DDX60L: variants seen among roughly 807,000 people sequenced by gnomAD.
DDX60L encodes the protein DExD/H-box 60 like.
A neutral mutation model predicts 211.6 loss-of-function variants in DDX60L; 191 were observed. The ratio of observed to expected loss-of-function variants is 0.90; its 90% CI spans 0.80 to 1.02. The LOEUF is 1.02. Ranked by LOEUF, DDX60L falls within the 50% of genes least tolerant of loss-of-function variation. The pLI is 0.00. For missense variants in DDX60L, 2,007 were observed against 1,984.1 expected, an observed-to-expected ratio of 1.01 and a Z score of -0.22; for synonymous variants, 706 against 694.1, an observed-to-expected ratio of 1.02 and a Z score of -0.27.
intron 10 of DDX60L, among the ~76,000 whole-genome samples, chr4:168,434,763 G>A (rs1752814339): frequency 6.6e-6 from 1 of 152,174 alleles, no homozygotes; most frequent in Non-Finnish European, 1.5e-5. Context: ...AAATTGATCT[G>A]TACAAAAGGA....
chr4:168,382,246 A>G (rs1275968391), intron 30 of DDX60L, among the ~76,000 whole-genome samples: 3 of 152,256 alleles, frequency 2.0e-5, no homozygotes, highest in Non-Finnish European at 4.4e-5. Flanking sequence ...AAATTCTGAC[A>G]TCTAGTTCAA....
chr4:168,377,546 T>C (rs1339368988), intron 33 of DDX60L, among the ~76,000 whole-genome samples: 2 of 152,126 alleles, frequency 1.3e-5, no homozygotes, highest in Non-Finnish European at 2.9e-5. Context: ...CTATTTACAG[T>C]AGTAGTAAAT....
At chr4:168,478,394 G>A (rs1280929131) in intron 1 of DDX60L, among the ~76,000 whole-genome samples, 1 of 152,124 alleles carries the variant, frequency 6.6e-6, no homozygotes, top group Non-Finnish European at 1.5e-5. Context: ...TGTAATTAAC[G>A]GCATAGGGAA....
chr4:168,429,165 G>C (rs76865242), intron 13 of DDX60L, among the ~76,000 whole-genome samples: 2 of 150,754 alleles, frequency 1.3e-5, no homozygotes, highest in Non-Finnish European at 2.9e-5. Context: ...TTTTTTTTTA[G>C]ACAGAGTCTT....
At chr4:168,449,366 C>CA (rs1579729235) in intron 8 of DDX60L, among the ~76,000 whole-genome samples, 1 of 141,402 alleles carries the variant, frequency 7.1e-6, no homozygotes, top group South Asian at 2.3e-4. Flanking sequence ...ATCGCAAGAT[C>CA]AAAAAACCAA....
intron 4 of DDX60L, among the ~76,000 whole-genome samples, chr4:168,462,398 T>C (rs1757429609): frequency 6.6e-6 from 1 of 152,020 alleles, no homozygotes; most frequent in African/African-American, 2.4e-5. Flanking sequence ...AGGTGATGTG[T>C]CTCCTCCCTA....
At chr4:168,477,564 A>C (rs1165226935) in intron 1 of DDX60L, among the ~76,000 whole-genome samples, 2 of 152,194 alleles carry the variant, frequency 1.3e-5, no homozygotes, top group African/African-American at 4.8e-5. Context: ...ATAACATACC[A>C]CAGGTTTGTA....
At chr4:168,456,243 AC>A in intron 6 of DDX60L, 91 bp from the exon 7 acceptor site, 1 of 674,214 alleles carries the variant, frequency 1.5e-6, no homozygotes, top group Non-Finnish European at 2.3e-6. Context: ...CATAAAGAAA[AC>A]GATTGTATAG....
intron 4 of DDX60L, among the ~76,000 whole-genome samples, chr4:168,465,011 T>C (rs2150115459): frequency 6.6e-6 from 1 of 152,224 alleles, no homozygotes; most frequent in East Asian, 1.9e-4. Context: ...TGAATATATA[T>C]CTAGTAGTGG....
Position 168,461,929 on chromosome 4 carries a change from A to G in DDX60L, c.376T>C (p.Cys126Arg). ...AATAACTTCCAATCTTGTGATAAGC[A>G]TCCAGAAAACTCCGTTTGCACATCA... ...NIDVQTEFSG[C>R]LSQDWKLFLE... The change falls in exon 5 of 38, where the codon TGC (cysteine) becomes CGC (arginine). Residue 126 changes from cysteine (C) to arginine (R), a missense_variant. Transcript: ENST00000682922. 6.2e-7 allele frequency: 1 copy of G among 1,612,814 alleles called. No homozygotes were observed. Among genetic ancestry groups the G allele is most frequent in the Non-Finnish European group, 8.5e-7 (1 of 1,179,294 alleles).
At chr4:168,438,990 C>T (rs750392752) in intron 10 of DDX60L, among the ~76,000 whole-genome samples, 35 of 152,072 alleles carry the variant, frequency 2.3e-4, no homozygotes, top group African/African-American at 8.0e-4. Context: ...TCAAAGCAGA[C>T]GAGTGAAAAT....
chr4:168,449,815 A>AT (rs139770571), intron 8 of DDX60L, among the ~76,000 whole-genome samples: 2,943 of 38,834 alleles, frequency 0.076, 48 homozygotes, highest in Non-Finnish European at 0.1. Context: ...TAAAAAAAAA[A>AT]AAAAAAAAGA....
At position 168,379,761 on chromosome 4, in the gene DDX60L, A is replaced by G; in HGVS notation, c.4186T>C (p.Tyr1396His). The change falls in exon 31 of 38, where the codon TAC (tyrosine) becomes CAC (histidine). Residue 1396 changes from tyrosine to histidine, a missense_variant. By Grantham distance (83) the Tyr-to-His change is moderately conservative. Coordinates refer to ENST00000682922, the MANE Select transcript of DDX60L (RefSeq NM_001012967.3). Reference sequence around the variant, plus strand: ...AGGAGCTGCAAGGAAAACAAAAAGTAAAGTTTCAAAGTCTCCATGGCTCTT... The same window carrying G: ...AGGAGCTGCAAGGAAAACAAAAAGTGAAGTTTCAAAGTCTCCATGGCTCTT... ...RRRAMETLKL[Y>H]FLFSLQLLIK... The G allele has an allele frequency of 6.2e-7, 1 of 1,613,216 alleles. No homozygotes were observed. The highest frequency in any genetic ancestry group is 8.5e-7 in the Non-Finnish European group (1 of 1,179,478).
At chr4:168,376,451 C>T (rs1741957316) in intron 33 of DDX60L, among the ~76,000 whole-genome samples, 2 of 152,182 alleles carry the variant, frequency 1.3e-5, no homozygotes, top group South Asian at 4.1e-4. Flanking sequence ...ATTCTCAGCA[C>T]TAATATCAGG....
intron 28 of DDX60L, among the ~76,000 whole-genome samples, chr4:168,393,198 T>C (rs1048355973): frequency 4.6e-5 from 7 of 152,082 alleles, no homozygotes; most frequent in African/African-American, 1.7e-4. Context: ...CTCACTCTTC[T>C]TAAGATTACA....
At chr4:168,420,662 T>C (rs986094817) in intron 17 of DDX60L, among the ~76,000 whole-genome samples, 16 of 136,970 alleles carry the variant, frequency 1.2e-4, no homozygotes, top group African/African-American at 4.5e-4. Flanking sequence ...GATAGATAGA[T>C]AGATAGATAG....
At chr4:168,441,230 C>A (rs1348332327) in intron 10 of DDX60L, 107 bp downstream of exon 10, 1 of 1,101,368 alleles carries the variant, frequency 9.1e-7, no homozygotes, top group African/African-American at 1.6e-5. Flanking sequence ...CAAGAAAGCA[C>A]AGTGAAGGAA....
chr4:168,474,550 T>C (rs1262589621), intron 1 of DDX60L, among the ~76,000 whole-genome samples: 1 of 152,086 alleles, frequency 6.6e-6, no homozygotes, highest in Non-Finnish European at 1.5e-5. Flanking sequence ...ACTGAATCTA[T>C]GAAATAGGAG....
intron 36 of DDX60L, among the ~76,000 whole-genome samples, chr4:168,368,107 C>A (rs1042751415): frequency 1.3e-5 from 2 of 152,198 alleles, no homozygotes; most frequent in African/African-American, 2.4e-5. Context: ...AACGTTAATC[C>A]CCAAGACAAC....
Sources: allele counts gnomAD v4.1 joint callset (sites outside exome capture counted in the v4.1 genomes callset), GRCh38; gene constraint gnomAD v4.1.1; transcripts MANE v1.5; gene names NCBI Gene and HGNC (gene_info 2026-07-23, HGNC 2026-07-21).